Variants in CNGB3 observed in about 807,000 individuals in gnomAD.
The protein encoded by CNGB3 is cyclic nucleotide gated channel subunit beta 3.
In CNGB3, 86 loss-of-function variants were observed where a neutral mutation model predicts 92.8. The ratio of observed to expected loss-of-function variants is 0.93; its 90% CI spans 0.78 to 1.11. The LOEUF (loss-of-function observed/expected upper bound fraction) is 1.11. CNGB3 is among the 50% of genes least tolerant of loss of function. CNGB3 has a pLI of 0.00. For missense variants in CNGB3, 1,026 were observed against 956.8 expected, an observed-to-expected ratio of 1.07 and a Z score of -0.95; for synonymous variants, 333 against 332.7, an observed-to-expected ratio of 1.00 and a Z score of -0.01.
At chr8:86,653,582 C>G (rs1165060183) in intron 7 of CNGB3, among the ~76,000 whole-genome samples, 1 of 152,076 alleles carries the variant, frequency 6.6e-6, no homozygotes, top group Non-Finnish European at 1.5e-5. Context: ...AAGGAACGTT[C>G]CATGTTATCT....
intron 15 of CNGB3, 145 bp downstream of exon 15, chr8:86,603,948 A>T: frequency 1.5e-6 from 1 of 649,894 alleles, no homozygotes. Flanking sequence ...AGGGATGAAT[A>T]AAAATATGAA....
chr8:86,629,131 A>G (rs1211973102), intron 11 of CNGB3, 53 bp from the exon 12 acceptor site: 2 of 1,591,616 alleles, frequency 1.3e-6, no homozygotes, highest in African/African-American at 1.3e-5. Context: ...TGAGTTAATA[A>G]AAGTCAAATT....
intron 13 of CNGB3, among the ~76,000 whole-genome samples, chr8:86,615,609 AT>A (rs1303475380): frequency 6.6e-6 from 1 of 152,152 alleles, no homozygotes; most frequent in Admixed American, 6.6e-5. Context: ...TCTTAAAAAA[AT>A]AAATTAATTG....
chr8:86,691,494 T>C (rs1047492693), intron 3 of CNGB3, among the ~76,000 whole-genome samples: 1 of 152,210 alleles, frequency 6.6e-6, no homozygotes, highest in African/African-American at 2.4e-5. Context: ...TTCAGTACTA[T>C]GTTGGCTATG....
Position 86,637,067 on chromosome 8 carries a change from A to G in CNGB3, c.1179-4174T>C, listed in dbSNP as rs77481500. Among the ~76,000 whole-genome samples the G allele has an allele frequency of 5.2e-3, 791 of 152,328 alleles. 10 individuals carry two copies. Among genetic ancestry groups the G allele is most frequent in the African/African-American group, 0.018 (740 of 41,576 alleles). ...TTGCGAATAATGCTGCAATGCTGCA[A>G]TGAACATGGGAGTGCAGATGTCTCT... On this transcript the variant is annotated intron_variant, in intron 10 of 17. Coordinates refer to ENST00000320005, the MANE Select transcript of CNGB3 (RefSeq NM_019098.5).
chr8:86,722,141 C>T (rs771047600), intron 3 of CNGB3, among the ~76,000 whole-genome samples: 3 of 152,262 alleles, frequency 2.0e-5, no homozygotes, highest in African/African-American at 7.2e-5. Context: ...TTCACTCACT[C>T]GCTGCTTGTT....
intron 3 of CNGB3, among the ~76,000 whole-genome samples, chr8:86,676,633 G>A (rs1339105600): frequency 1.3e-5 from 2 of 152,318 alleles, no homozygotes; most frequent in East Asian, 1.9e-4. Flanking sequence ...GTAGGTTAAT[G>A]TCAGAGTATG....
chr8:86,614,871 C>T (rs933595401), intron 13 of CNGB3, among the ~76,000 whole-genome samples: 1 of 152,016 alleles, frequency 6.6e-6, no homozygotes, highest in African/African-American at 2.4e-5. Flanking sequence ...GGAGTACAGC[C>T]ACTCTCCCAA....
At position 86,604,162 on chromosome 8, in the gene CNGB3, A is replaced by G. The variant is rs1822368668; in HGVS notation, c.1712T>C (p.Val571Ala). 4 of 1,613,722 alleles carry G rather than the reference A, an allele frequency of 2.5e-6. No homozygotes were observed. The highest frequency in any genetic ancestry group is 2.7e-5 in the African/African-American group (2 of 75,036). ...MYIIKHGEVQ[V>A]LGGPDGTKVL... ...TTTAGTACCATCAGGGCCTCCAAGAACTTGGACTTCTCCATGCTTGATGAT... is the reference window on the plus strand; with the variant it reads ...TTTAGTACCATCAGGGCCTCCAAGAGCTTGGACTTCTCCATGCTTGATGAT... The change falls in exon 15 of 18, where the codon GTT (valine) becomes GCT (alanine). Residue 571 changes from valine to alanine, a missense_variant. Transcript: ENST00000320005.
At chr8:86,735,989 G>A (rs1251214132) in intron 2 of CNGB3, among the ~76,000 whole-genome samples, 1 of 151,844 alleles carries the variant, frequency 6.6e-6, no homozygotes, top group Admixed American at 6.6e-5. Flanking sequence ...ATTTAAAGAA[G>A]CATTTAACAT....
intron 3 of CNGB3, among the ~76,000 whole-genome samples, chr8:86,695,548 A>T (rs1381495219): frequency 6.6e-6 from 1 of 151,754 alleles, no homozygotes; most frequent in African/African-American, 2.4e-5. Flanking sequence ...CTTTCTATGG[A>T]ATTTTTCATT....
At chr8:86,661,925 T>C in intron 6 of CNGB3, 1 of 733,044 alleles carries the variant, frequency 1.4e-6, no homozygotes, top group South Asian at 1.6e-5. Context: ...ATTCTTGGAA[T>C]CTCTAGGCAC....
chr8:86,701,603 G>T (rs556570184), intron 3 of CNGB3, among the ~76,000 whole-genome samples: 16 of 152,154 alleles, frequency 1.1e-4, no homozygotes, highest in Non-Finnish European at 1.8e-4. Context: ...AGATAACCAT[G>T]CAATAATGCA....
chr8:86,727,145 TA>T (rs1182755153), intron 2 of CNGB3, among the ~76,000 whole-genome samples: 1 of 152,204 alleles, frequency 6.6e-6, no homozygotes, highest in Non-Finnish European at 1.5e-5. Flanking sequence ...CTTATGAGAC[TA>T]CCCTCTTTTA....
At chr8:86,735,947 C>T (rs958601294) in intron 2 of CNGB3, among the ~76,000 whole-genome samples, 5 of 152,010 alleles carry the variant, frequency 3.3e-5, no homozygotes, top group African/African-American at 1.2e-4. Context: ...AGGTAAATTA[C>T]TTACATATCC....
At position 86,680,143 on chromosome 8, in the gene CNGB3, A is replaced by C. The variant is rs143652289; in HGVS notation, c.339-9045T>G. On this transcript the variant is annotated intron_variant, in intron 3 of 17. Transcript: ENST00000320005. ...AGAAAAAAGGGGTAAATCTATTTTAAGAAGCAGGTGAAAAATTAGATCAAG... is the reference window on the plus strand; with the variant it reads ...AGAAAAAAGGGGTAAATCTATTTTACGAAGCAGGTGAAAAATTAGATCAAG... Among the ~76,000 whole-genome samples, 37 of 152,368 alleles carry C rather than the reference A, an allele frequency of 2.4e-4. 1 individual carries two copies. The East Asian group carries it at 6.9e-3, about 29-fold the overall frequency.
intron 6 of CNGB3, among the ~76,000 whole-genome samples, chr8:86,665,226 A>G (rs1823718198): frequency 6.6e-6 from 1 of 152,226 alleles, no homozygotes; most frequent in Admixed American, 6.5e-5. Context: ...ATACCATCTC[A>G]TACAAGTCAG....
intron 6 of CNGB3, among the ~76,000 whole-genome samples, chr8:86,656,857 C>G (rs1823517770): frequency 6.6e-6 from 1 of 152,150 alleles, no homozygotes; most frequent in Admixed American, 6.5e-5. Context: ...AAGAAGTTTC[C>G]CAGTCCCAAA....
intron 6 of CNGB3, chr8:86,660,899 G>T: frequency 5.9e-6 from 2 of 336,644 alleles, no homozygotes; most frequent in South Asian, 2.6e-5. Context: ...TTCTTCCCAG[G>T]CCTCTTAAGA....
Sources: allele counts gnomAD v4.1 joint callset (sites outside exome capture counted in the v4.1 genomes callset), GRCh38; gene constraint gnomAD v4.1.1; transcripts MANE v1.5; gene names NCBI Gene and HGNC (gene_info 2026-07-23, HGNC 2026-07-21).